The following ANKLE2 variants were observed in gnomAD, a reference collection of about 807,000 sequenced individuals.
ANKLE2 encodes the protein ankyrin repeat and LEM domain-containing protein 2.
In ANKLE2, 55 loss-of-function variants were observed where a neutral mutation model predicts 84.2. The observed-to-expected ratio is 0.65, with a 90% CI of 0.53 to 0.82. The LOEUF (loss-of-function observed/expected upper bound fraction) is 0.82. Ranked by LOEUF, ANKLE2 falls within the 40% of genes least tolerant of loss-of-function variation. The pLI, the probability that ANKLE2 is intolerant of heterozygous loss-of-function variation, is 0.00. For missense variants in ANKLE2, 1,238 were observed against 1,201.9 expected (o/e 1.03, Z -0.44); for synonymous variants, 551 against 486.1 (o/e 1.13, Z -1.76).
intron 1 of ANKLE2, chr12:132,759,031 TGCGGA>T (rs2044547960): frequency 7.5e-6 from 1 of 134,228 alleles, no homozygotes; most frequent in African/African-American, 3.1e-5. Flanking sequence ...AGTGGATCGC[TGCGGA>T]GTGGCACCCC....
intron 7 of ANKLE2, among the ~76,000 whole-genome samples, chr12:132,740,347 T>A (rs10870505): frequency 6.6e-6 from 1 of 152,010 alleles, no homozygotes; most frequent in Non-Finnish European, 1.5e-5. Flanking sequence ...TAGATCACGC[T>A]TGGTAAACTT....
intron 3 of ANKLE2, 71 bp downstream of exon 3, chr12:132,750,567 CAGAGG>C: frequency 6.6e-7 from 1 of 1,519,568 alleles, no homozygotes; most frequent in East Asian, 2.3e-5. Context: ...GTTACCACAT[CAGAGG>C]AAAGAAGGCA....
chr12:132,754,785 G>C lies in ANKLE2; in HGVS notation c.530C>G (p.Ser177Trp), dbSNP rs185977448. 1 of 1,614,076 alleles carries C rather than the reference G, an allele frequency of 6.2e-7. No homozygotes were observed. The highest frequency in any genetic ancestry group is 1.3e-5 in the African/African-American group (1 of 74,982). The change falls in exon 2 of 13, where the codon TCG becomes TGG. Residue 177 changes from serine (S) to tryptophan (W), a missense_variant. Ser to Trp is a radical substitution (Grantham distance 177, BLOSUM62 -3). Coordinates refer to ENST00000357997, the MANE Select transcript of ANKLE2 (RefSeq NM_015114.3). The stretch of plus-strand genomic sequence containing the variant: ...GGTGTCGGTGTCACTAGGGGGCACC[G>C]AGCAGGTCTTGGATGTCACAGCTTC... The part of the protein sequence containing the change: ...EEEAVTSKTC[S>W]VPPSDTDTYR...
chr12:132,755,216 A>C, intron 1 of ANKLE2, 83 bp from the exon 2 acceptor site: 1 of 1,255,842 alleles, frequency 8.0e-7, no homozygotes, highest in Non-Finnish European at 1.1e-6. Flanking sequence ...GGTTCATTAT[A>C]TAATGGCATC....
At chr12:132,738,842 G>A (rs2044065759) in intron 7 of ANKLE2, 1 of 151,408 alleles carries the variant, frequency 6.6e-6, no homozygotes, top group African/African-American at 2.4e-5. Context: ...TAGTTTTTAT[G>A]CTTTTAATTT....
At position 132,729,821 on chromosome 12, in the gene ANKLE2, C is replaced by CT; in HGVS notation, c.2340dup (p.Asp781ArgfsTer13). ...CTCCTGTGGCCATTCCCGAGTTGGT[C>CT]TGCGGGAGAAGGCTCTAACAAGTCT... is the stretch of plus-strand genomic sequence containing the variant. On this transcript the variant is annotated frameshift_variant, in exon 11 of 13. Transcript: ENST00000357997. LOFTEE classifies it high-confidence loss of function. The CT allele has an allele frequency of 2.5e-6, 4 of 1,613,392 alleles. No individual in the cohort carries two copies. Among genetic ancestry groups the CT allele is most frequent in the Non-Finnish European group, 3.4e-6 (4 of 1,179,782 alleles).
rs2043706317 is a variant in ANKLE2, at chr12:132,726,742, C to T, written c.*500G>A. ...CTGAACCATGAGACCCACGGGCGAA[C>T]CAACAGGCACTCTGCCACCATCAGA... On this transcript the variant is annotated 3_prime_UTR_variant, in exon 13 of 13. Coordinates refer to ENST00000357997, the MANE Select transcript of ANKLE2 (RefSeq NM_015114.3). The T allele has an allele frequency of 1.3e-5, 2 of 153,208 alleles. No homozygotes were observed. The highest frequency in any genetic ancestry group is 1.3e-4 in the Admixed American group (2 of 15,370). The allele number at this position is 153,208 out of a possible 1,614,324, so 9.5% of individuals were successfully genotyped here.
chr12:132,734,559 G>A lies in ANKLE2; in HGVS notation c.1717C>T (p.Leu573=). The A allele has an allele frequency of 6.2e-7, 1 of 1,611,542 alleles. No homozygotes were observed. Among genetic ancestry groups the A allele is most frequent in the Non-Finnish European group, 8.5e-7 (1 of 1,179,110 alleles). Residue 573 remains leucine (L), a synonymous_variant, in exon 10 of 13, where the codon CTG becomes TTG. Transcript: ENST00000357997. ...CAGTATTCAACCCAGGGATACCCCA[G>A]CTCATGAGCTAGCTCCCTGTAAGAA... ...ERVGRELAHE[L]GYPWVEYWEF...
chr12:132,748,361 A>G (rs1311928356), intron 3 of ANKLE2, 30 bp from the exon 4 acceptor site: 2 of 1,612,434 alleles, frequency 1.2e-6, no homozygotes, highest in African/African-American at 1.3e-5. Context: ...TTTAAGAACA[A>G]TCAGTTTCAC....
intron 5 of ANKLE2, among the ~76,000 whole-genome samples, chr12:132,746,894 G>A (rs979799890): frequency 4.6e-5 from 7 of 152,114 alleles, no homozygotes; most frequent in Non-Finnish European, 8.8e-5. Context: ...CTCTTCTCAA[G>A]CAGGGCAGCT....
At position 132,743,496 on chromosome 12, in the gene ANKLE2, C is replaced by T. The variant is rs756479391; in HGVS notation, c.1231-220G>A. Among the ~76,000 whole-genome samples the T allele has an allele frequency of 9.9e-5, 15 of 151,668 alleles. No homozygotes were observed. Among genetic ancestry groups the T allele is most frequent in the Non-Finnish European group, 1.8e-4 (12 of 67,932 alleles). On this transcript the variant is annotated intron_variant, in intron 5 of 12. Coordinates refer to ENST00000357997, the MANE Select transcript of ANKLE2 (RefSeq NM_015114.3). The surrounding 1 kb of genome is among the most constrained non-coding windows in gnomAD (Gnocchi z 4.1). ...CTGGGACTACAGGCACCCGCCACCA[C>T]ACCCAGCTATTTTTTTTTTTTTTTT... is the stretch of plus-strand genomic sequence containing the variant.
chr12:132,761,726 G>A lies in ANKLE2; in HGVS notation c.73C>T (p.Leu25=), dbSNP rs1191480715. Residue 25 remains leucine, a synonymous_variant, in exon 1 of 13, where the codon CTG becomes TTG. Coordinates refer to ENST00000357997, the MANE Select transcript of ANKLE2 (RefSeq NM_015114.3). ...CGCACCAGCCACCGCACAGCGATCA[G>A]CAGCACCGAGGCGCCCAGCAGCTCC... The part of the protein sequence containing the change: ...AWELLGASVL[L]IAVRWLVRRL... 2.3e-6 allele frequency: 3 copies of A among 1,329,484 alleles called. No homozygotes were observed. Among genetic ancestry groups the A allele is most frequent in the Admixed American group, 2.8e-5 (1 of 36,200 alleles). The allele number at this position is 1,329,484 out of a possible 1,614,324, so 82.4% of individuals were successfully genotyped here.
chr12:132,729,074 C>T (rs528612674), intron 11 of ANKLE2, among the ~76,000 whole-genome samples: 1 of 151,788 alleles, frequency 6.6e-6, no homozygotes, highest in Non-Finnish European at 1.5e-5. Flanking sequence ...GTGTGGAGGC[C>T]GGGTGCGGTG....
At chr12:132,745,732 G>A (rs76420446) in intron 5 of ANKLE2, 2,638 of 186,606 alleles carry the variant, frequency 0.014, 87 homozygotes, top group African/African-American at 0.057. Context: ...CGACGAGCCC[G>A]TCGGATCCCG....
In ANKLE2 at chr12:132,726,328, T is replaced by C. The variant is rs2043697595; in HGVS notation, c.*914A>G. ...CCAAGATGGGACTCAAACCTCTAAA[T>C]GCAACACTCTGCATACAGGAGATCC... On this transcript the variant is annotated 3_prime_UTR_variant, in exon 13 of 13. Coordinates refer to ENST00000357997, the MANE Select transcript of ANKLE2 (RefSeq NM_015114.3). 1 of 152,452 alleles carries C rather than the reference T, an allele frequency of 6.6e-6. No individual in the cohort carries two copies. Among genetic ancestry groups the C allele is most frequent in the Non-Finnish European group, 1.5e-5 (1 of 68,192 alleles). The allele number at this position is 152,452 out of a possible 1,614,324, so 9.4% of individuals were successfully genotyped here.
intron 1 of ANKLE2, 46 bp downstream of exon 1, chr12:132,761,572 G>T: frequency 8.3e-7 from 1 of 1,201,418 alleles, no homozygotes; most frequent in South Asian, 4.2e-5. Flanking sequence ...CGTCGGGGCG[G>T]GGAAGGGGCC....
intron 10 of ANKLE2, chr12:132,734,089 AC>A (rs1197607004): frequency 8.1e-6 from 4 of 491,938 alleles, no homozygotes; most frequent in African/African-American, 5.9e-5. Flanking sequence ...AAAAAAAAAT[AC>A]GAAAATTAGC....
At chr12:132,740,058 C>G (rs541594693) in intron 7 of ANKLE2, among the ~76,000 whole-genome samples, 1 of 152,236 alleles carries the variant, frequency 6.6e-6, no homozygotes, top group East Asian at 1.9e-4. Flanking sequence ...TTAATGTCAG[C>G]GTTGCAAAGC....
rs1280716024 is a variant in ANKLE2 at position 132,750,858 on chromosome 12, G to C, written c.641-9C>G. ...ATAAACATAGATCCTTTCTGGGTAA[G>C]AAAAGTAACAAATGAAAATCAGAGA... On this transcript the variant is annotated splice_polypyrimidine_tract_variant and intron_variant, in intron 2 of 12. Transcript: ENST00000357997. The C allele has an allele frequency of 5.0e-6, 8 of 1,611,886 alleles. No individual in the cohort carries two copies. Among genetic ancestry groups the C allele is most frequent in the African/African-American group, 4.0e-5 (3 of 74,786 alleles).
Sources: allele counts gnomAD v4.1 joint callset (sites outside exome capture counted in the v4.1 genomes callset), GRCh38; gene constraint gnomAD v4.1.1; non-coding constraint Gnocchi (gnomAD v3.1); transcripts MANE v1.5; gene names NCBI Gene and HGNC (gene_info 2026-07-23, HGNC 2026-07-21).